The following SCN8A variants were observed in gnomAD, a reference collection of about 807,000 sequenced individuals.
SCN8A encodes sodium channel protein type 8 subunit alpha.
Under a neutral mutation model 184.1 loss-of-function variants are expected in SCN8A, and 30 were observed. The observed-to-expected ratio is 0.16, with a 90% CI of 0.12 to 0.22. The LOEUF (loss-of-function observed/expected upper bound fraction) is 0.22, where lower values mean the gene tolerates loss of function less well. SCN8A is among the 10% of genes least tolerant of loss of function. SCN8A has a pLI of 1.00. For synonymous variants in SCN8A, 852 were observed against 907.0 expected (o/e 0.94, Z 1.09); for missense variants, 1,057 against 2,498.9 (o/e 0.42, Z 12.30).
chr12:51,618,471 A>ACG (rs1327784346), intron 1 of SCN8A, among the ~76,000 whole-genome samples: 1 of 25,626 alleles, frequency 3.9e-5, no homozygotes, highest in Non-Finnish European at 1.9e-4. Flanking sequence ...ACACACACAC[A>ACG]CACACACACA....
intron 1 of SCN8A, among the ~76,000 whole-genome samples, chr12:51,634,656 A>ATT (rs10639290): frequency 0.63 from 85,701 of 136,084 alleles, 28,363 homozygotes; most frequent in Non-Finnish European, 0.72. Flanking sequence ...TATTATTATT[A>ATT]TTTTTTTTTT....
intron 12 of SCN8A, among the ~76,000 whole-genome samples, chr12:51,736,183 A>G (rs1942322932): frequency 6.6e-6 from 1 of 152,190 alleles, no homozygotes; most frequent in African/African-American, 2.4e-5. Context: ...TTAATATTCC[A>G]CATAGAGAAA....
intron 26 of SCN8A, among the ~76,000 whole-genome samples, chr12:51,801,386 T>C (rs1259697852): frequency 6.6e-6 from 1 of 152,188 alleles, no homozygotes; most frequent in East Asian, 1.9e-4. Context: ...CAAATCTGTT[T>C]TGCAAGCTAT....
chr12:51,786,881 C>T (rs1938102282), intron 22 of SCN8A, 55 bp downstream of exon 22: 1 of 1,515,454 alleles, frequency 6.6e-7, no homozygotes, highest in Non-Finnish European at 8.9e-7. Flanking sequence ...AGGCAGCTAG[C>T]ACAAATCCCA....
At position 51,704,042 on chromosome 12, in the gene SCN8A, C is replaced by T. The variant is rs117075929; in HGVS notation, c.1134+1128C>T. ...CGAGTAGCTGGGATTACAGGCATGA[C>T]GCACGCACCTGGCTAATTTTTGTAT... On this transcript the variant is annotated intron_variant, in intron 9 of 26. Transcript: ENST00000627620. 5.6e-3 allele frequency among the ~76,000 whole-genome samples: 857 copies of T among 151,858 alleles called. 6 individuals carry two copies. Among genetic ancestry groups the T allele is most frequent in the Admixed American group, 0.012 (179 of 15,260 alleles).
intron 1 of SCN8A, among the ~76,000 whole-genome samples, chr12:51,651,023 T>TGCA (rs1286306219): frequency 1.3e-5 from 2 of 152,262 alleles, no homozygotes; most frequent in African/African-American, 2.4e-5. Context: ...GCTAGTTAAC[T>TGCA]GCAGCAGCAG....
intron 1 of SCN8A, among the ~76,000 whole-genome samples, chr12:51,630,178 T>C (rs1940168537): frequency 6.6e-6 from 1 of 152,142 alleles, no homozygotes; most frequent in Admixed American, 6.6e-5. Context: ...TTAAATACAT[T>C]CACATTGTTA....
Position 51,807,552 on chromosome 12 carries a change from A to G in SCN8A, c.*123A>G. On this transcript the variant is annotated 3_prime_UTR_variant, in exon 27 of 27. Coordinates refer to ENST00000627620, the MANE Select transcript of SCN8A (RefSeq NM_001330260.2). The surrounding 1 kb of genome is among the most constrained non-coding windows in gnomAD (Gnocchi z 4.5). ...GACTCTAACCTGAAGATCTATACCA[A>G]ACGTCGTCTGCTTACCACGTAACAC... is the stretch of plus-strand genomic sequence containing the variant. 1.9e-6 allele frequency: 2 copies of G among 1,080,086 alleles called. No individual in the cohort carries two copies. The highest frequency in any genetic ancestry group is 2.9e-5 in the South Asian group (2 of 70,078). 66.9% of individuals were successfully genotyped at this position (1,080,086 alleles called of 1,614,324 possible).
At chr12:51,668,079 A>G (rs1941066892) in intron 2 of SCN8A, among the ~76,000 whole-genome samples, 2 of 151,768 alleles carry the variant, frequency 1.3e-5, no homozygotes, top group Admixed American at 6.6e-5. Context: ...GCTACTCAGG[A>G]GGCTGAGGCA....
intron 2 of SCN8A, among the ~76,000 whole-genome samples, chr12:51,682,047 G>T (rs1330482728): frequency 1.3e-5 from 2 of 152,144 alleles, no homozygotes; most frequent in African/African-American, 2.4e-5. Flanking sequence ...ATTATGAAAG[G>T]TGTTGAATTT....
At chr12:51,689,123 C>G (rs748465431) in intron 6 of SCN8A, 27 bp downstream of exon 6, 19 of 1,516,700 alleles carry the variant, frequency 1.3e-5, no homozygotes, top group Non-Finnish European at 1.7e-5. Context: ...ATAAGACTGA[C>G]TTTGCCACAT....
At chr12:51,592,685 CAG>C in intron 1 of SCN8A, among the ~76,000 whole-genome samples, 1 of 151,134 alleles carries the variant, frequency 6.6e-6, no homozygotes, top group South Asian at 2.1e-4. Context: ...CAGTGGGCAC[CAG>C]AGAGTCAGGG....
chr12:51,752,865 G>C (rs960162774), intron 14 of SCN8A, among the ~76,000 whole-genome samples: 1 of 152,168 alleles, frequency 6.6e-6, no homozygotes, highest in African/African-American at 2.4e-5. Context: ...TAAGTAACAA[G>C]AAATATGTCT....
At chr12:51,773,165 C>T (rs1942955644) in intron 19 of SCN8A, among the ~76,000 whole-genome samples, 1 of 152,096 alleles carries the variant, frequency 6.6e-6, no homozygotes, top group African/African-American at 2.4e-5. Flanking sequence ...CCATGTGCCT[C>T]CATTTTGGAA....
chr12:51,718,353 G>A (rs1331675278), intron 11 of SCN8A, among the ~76,000 whole-genome samples: 2 of 151,744 alleles, frequency 1.3e-5, no homozygotes, highest in Admixed American at 6.6e-5. Context: ...AGGCATGGTG[G>A]CACATGCCTG....
intron 1 of SCN8A, among the ~76,000 whole-genome samples, chr12:51,637,620 A>C (rs560225680): frequency 1.3e-5 from 2 of 152,214 alleles, no homozygotes; most frequent in Non-Finnish European, 2.9e-5. Context: ...CTCCAATTCT[A>C]TGAAAGCTGA....
At chr12:51,720,022 G>A (rs1942025047) in intron 11 of SCN8A, among the ~76,000 whole-genome samples, 1 of 140,046 alleles carries the variant, frequency 7.1e-6, no homozygotes, top group Non-Finnish European at 1.5e-5. Context: ...CTTGCAGTGA[G>A]CCGAGATCGC....
At position 51,639,879 on chromosome 12, in the gene SCN8A, CTTTTTTTTTTTTTTTTTTTTTTTT is replaced by C. The variant is rs71092712; in HGVS notation, c.-54-22870_-54-22847del. Among the ~76,000 whole-genome samples the C allele has an allele frequency of 5.9e-3, 89 of 15,074 alleles. 1 individual carries two copies. The highest frequency in any genetic ancestry group is 6.3e-3 in the Non-Finnish European group (57 of 9,004). 9.9% of individuals were successfully genotyped at this position (15,074 alleles called of 152,430 possible). A position where few individuals can be genotyped will look rare whatever the true frequency, so the allele number is the denominator to read the frequency against. On this transcript the variant is annotated intron_variant, in intron 1 of 26. Coordinates refer to ENST00000627620, the MANE Select transcript of SCN8A (RefSeq NM_001330260.2). ...AGTATTTTTTGAATTAAGGTATATG[CTTTTTTTTTTTTTTTTTTTTTTTT>C]TTTTTTTTTTTTTTGAGATGGGGTC... is the stretch of plus-strand genomic sequence containing the variant.
At chr12:51,749,623 C>A (rs2138835412) in intron 13 of SCN8A, among the ~76,000 whole-genome samples, 2 of 152,218 alleles carry the variant, frequency 1.3e-5, no homozygotes, top group South Asian at 4.2e-4. Flanking sequence ...CTTTCCCACG[C>A]AGCCTCCCAC....
Sources: allele counts gnomAD v4.1 joint callset (sites outside exome capture counted in the v4.1 genomes callset), GRCh38; gene constraint gnomAD v4.1.1; non-coding constraint Gnocchi (gnomAD v3.1); transcripts MANE v1.5; gene names NCBI Gene and HGNC (gene_info 2026-07-23, HGNC 2026-07-21).